EIF4G1: variants seen among roughly 807,000 people sequenced by gnomAD.
The protein encoded by EIF4G1 is eukaryotic translation initiation factor 4 gamma 1, also known as EIF4-gamma.
Under a neutral mutation model 187.8 loss-of-function variants are expected in EIF4G1, and 4 were observed. That is an observed-to-expected ratio of 0.02 (90% CI 0.01 to 0.05). The LOEUF (loss-of-function observed/expected upper bound fraction) is 0.05. Ranked by LOEUF, EIF4G1 falls within the 10% of genes least tolerant of loss-of-function variation. The pLI, the probability that EIF4G1 is intolerant of heterozygous loss-of-function variation, is 1.00. For missense variants in EIF4G1, 1,647 were observed against 2,081.1 expected, an observed-to-expected ratio of 0.79 and a Z score of 4.06; for synonymous variants, 844 against 781.4, an observed-to-expected ratio of 1.08 and a Z score of -1.34.
At position 184,317,332 on chromosome 3, in the gene EIF4G1, T is replaced by C. The variant is rs771352706; in HGVS notation, c.159T>C (p.Pro53=). ...CTCCCTCCTGACAGCACTTCTACCC[T>C]AGCCGGGCCCAGCCCCCGAGCAGTG... ...TPSQPRQHFY[P]SRAQPPSSAA... The change falls in exon 5 of 33, where the codon CCT becomes CCC. Residue 53 remains proline, a synonymous_variant. Transcript: ENST00000346169. The C allele has an allele frequency of 1.2e-6, 2 of 1,614,054 alleles. No individual in the cohort carries two copies. The highest frequency in any genetic ancestry group is 2.2e-5 in the South Asian group (2 of 91,084).
chr3:184,321,885 C>T lies in EIF4G1; in HGVS notation c.1301C>T (p.Pro434Leu), dbSNP rs1267395314. The change falls in exon 10 of 33, where the codon CCC becomes CTC. Residue 434 changes from proline to leucine, a missense_variant. By Grantham distance (98) the Pro-to-Leu change is moderately conservative (BLOSUM62 -3). Transcript: ENST00000346169. ...AAGGAGGTGACAGCATCAATGGCGC[C>T]CCCCACCATCCCCTCTGCTACTCCA... is the stretch of plus-strand genomic sequence containing the variant. The part of the protein sequence containing the change: ...QAKEVTASMA[P>L]PTIPSATPAT... 4.3e-6 allele frequency: 7 copies of T among 1,613,994 alleles called. No homozygotes were observed. The highest frequency in any genetic ancestry group is 5.9e-6 in the Non-Finnish European group (7 of 1,180,008).
In EIF4G1 at chr3:184,317,779, C is replaced by T. The variant is rs1392756622; in HGVS notation, c.387C>T (p.Phe129=). 1.9e-6 allele frequency: 3 copies of T among 1,614,182 alleles called. No homozygotes were observed. Among genetic ancestry groups the T allele is most frequent in the South Asian group, 2.2e-5 (2 of 91,090 alleles). The change falls in exon 6 of 33, where the codon TTC becomes TTT. Residue 129 remains phenylalanine (F), a synonymous_variant. Coordinates refer to ENST00000346169, the MANE Select transcript of EIF4G1 (RefSeq NM_198241.3). ...QYPVQPGAPG[F]YPGASPTEFG... ...CTGTGCAGCCAGGAGCCCCAGGCTT[C>T]TATCCAGGTGCAAGCCCTACAGAAT...
At chr3:184,321,210 T>C in intron 9 of EIF4G1, 72 bp from the exon 10 acceptor site, 2 of 1,596,488 alleles carry the variant, frequency 1.3e-6, no homozygotes, top group Non-Finnish European at 1.7e-6. Flanking sequence ...ATGCCTGGGC[T>C]GGAGGATGGG....
chr3:184,323,538 G>A lies in EIF4G1; in HGVS notation c.2219G>A (p.Arg740Gln), dbSNP rs1032284086. 6.8e-6 allele frequency: 11 copies of A among 1,614,028 alleles called. No homozygotes were observed. Among genetic ancestry groups the A allele is most frequent in the Non-Finnish European group, 8.5e-6 (10 of 1,180,056 alleles). The part of the protein sequence containing the change: ...AEKAWKPSSK[R>Q]TAADKDRGEE... Reference sequence around the variant, plus strand: ...AAAGCCTGGAAACCCAGCAGCAAGCGGACGGCGGCTGATAAGGATCGAGGG... The same window carrying A: ...AAAGCCTGGAAACCCAGCAGCAAGCAGACGGCGGCTGATAAGGATCGAGGG... Residue 740 changes from arginine to glutamine, a missense_variant, in exon 15 of 33, where the codon CGG (arginine) becomes CAG (glutamine). Physicochemically the swap from Arg to Gln is conservative, Grantham distance 43. Transcript: ENST00000346169. The surrounding 1 kb of genome is among the most constrained non-coding windows in gnomAD (Gnocchi z 6.9).
intron 21 of EIF4G1, 114 bp downstream of exon 21, chr3:184,326,065 G>A: frequency 8.7e-7 from 1 of 1,155,552 alleles, no homozygotes; most frequent in Admixed American, 1.9e-5. Context: ...TAACTGGTTG[G>A]ATTGCTGGAG....
intron 22 of EIF4G1, 60 bp downstream of exon 22, chr3:184,326,689 C>T (rs1465239673): frequency 3.8e-6 from 6 of 1,585,286 alleles, no homozygotes; most frequent in Non-Finnish European, 5.2e-6. Context: ...GAGGACAGAG[C>T]CTTTTCTGTT....
chr3:184,317,215 G>T, intron 4 of EIF4G1, 106 bp from the exon 5 acceptor site: 1 of 1,345,532 alleles, frequency 7.4e-7, no homozygotes. Context: ...GCCATGTTCT[G>T]AAGCCCACAG....
At chr3:184,320,844 C>T (rs1181056186) in intron 8 of EIF4G1, 83 bp from the exon 9 acceptor site, 7 of 1,605,762 alleles carry the variant, frequency 4.4e-6, no homozygotes, top group Non-Finnish European at 6.0e-6. Context: ...GATTTCTAGG[C>T]AGAGCTAAAG....
At chr3:184,318,465 A>AG (rs569975060) in intron 6 of EIF4G1, among the ~76,000 whole-genome samples, 302 of 152,054 alleles carry the variant, frequency 2.0e-3, no homozygotes, top group Non-Finnish European at 3.0e-3. Flanking sequence ...TTAAAATTTG[A>AG]GGGGGGCTGA....
chr3:184,321,973 G>GGAAGAAGGA lies in EIF4G1; in HGVS notation c.1394_1402dup (p.Glu465_Glu467dup). 6.2e-7 allele frequency: 1 copy of GGAAGAAGGA among 1,613,782 alleles called. No individual in the cohort carries two copies. Among genetic ancestry groups the GGAAGAAGGA allele is most frequent in the Non-Finnish European group, 8.5e-7 (1 of 1,179,812 alleles). On this transcript the variant is annotated inframe_insertion, in exon 10 of 33. Transcript: ENST00000346169. Reference sequence around the variant, plus strand: ...AGGAAATGGAAGAAGAAGAAGAAGAGGAAGAAGGAGAAGCAGGAGAAGCAG... The same window carrying GGAAGAAGGA: ...AGGAAATGGAAGAAGAAGAAGAAGAGGAAGAAGGAGAAGAAGGAGAAGCAGGAGAAGCAG...
Position 184,322,014 on chromosome 3 carries a change from A to G in EIF4G1, c.1430A>G (p.Glu477Gly). ...GGAGAAGCAGGAGAAGCTGAGAGTG[A>G]GAAAGGAGGAGAGGAACTGCTCCCC... The part of the protein sequence containing the change: ...EAGEAGEAES[E>G]KGGEELLPPE... Residue 477 changes from glutamate (E) to glycine (G), a missense_variant, in exon 10 of 33, where the codon GAG (glutamate) becomes GGG (glycine). By Grantham distance (98) the Glu-to-Gly change is moderately conservative. This residue lies in a region of EIF4G1 where 522 missense variants were observed against 485.2 expected (regional missense o/e 1.08). Coordinates refer to ENST00000346169, the MANE Select transcript of EIF4G1 (RefSeq NM_198241.3). 6.2e-7 allele frequency: 1 copy of G among 1,614,096 alleles called. No individual in the cohort carries two copies. The highest frequency in any genetic ancestry group is 8.5e-7 in the Non-Finnish European group (1 of 1,180,030).
rs530888556 is a variant in EIF4G1 at position 184,325,724 on chromosome 3, C to T, written c.3121+85C>T. 104 of 1,611,108 alleles carry T rather than the reference C, an allele frequency of 6.5e-5. No homozygotes were observed. Among genetic ancestry groups the T allele is most frequent in the South Asian group, 1.4e-4 (13 of 90,940 alleles). On this transcript the variant is annotated intron_variant, in intron 20 of 32. Transcript: ENST00000346169. The surrounding 1 kb of genome is among the most constrained non-coding windows in gnomAD (Gnocchi z 5.2). Reference sequence around the variant, plus strand: ...CTCTGATGACTTCCTGTTAGTGCCACGTGTCTGGGCCACTGAGACACCATG... The same window carrying T: ...CTCTGATGACTTCCTGTTAGTGCCATGTGTCTGGGCCACTGAGACACCATG...
In EIF4G1 at chr3:184,322,468, G is replaced by T; in HGVS notation, c.1608+18G>T. ...TCAAGGAGGTAAGGGAGCAGAAAATGGGAGGGGAGAGGGCCAAGTTGAGGT... is the reference window on the plus strand; with the variant it reads ...TCAAGGAGGTAAGGGAGCAGAAAATTGGAGGGGAGAGGGCCAAGTTGAGGT... On this transcript the variant is annotated intron_variant, in intron 11 of 32. Coordinates refer to ENST00000346169, the MANE Select transcript of EIF4G1 (RefSeq NM_198241.3). 6.2e-7 allele frequency: 1 copy of T among 1,614,044 alleles called. No individual in the cohort carries two copies. Among genetic ancestry groups the T allele is most frequent in the East Asian group, 2.2e-5 (1 of 44,884 alleles).
rs1725380174 is a variant in EIF4G1, at chr3:184,328,410, G to T, written c.3954-221G>T. 5.8e-6 allele frequency: 4 copies of T among 690,132 alleles called. No homozygotes were observed. The South Asian group carries it at 6.9e-5, about 12-fold the overall frequency. The allele number at this position is 690,132 out of a possible 1,614,324, so 42.8% of individuals were successfully genotyped here. A position where few individuals can be genotyped will look rare whatever the true frequency, so the allele number is the denominator to read the frequency against. On this transcript the variant is annotated intron_variant, in intron 26 of 32. Transcript: ENST00000346169. ...GTCTCAAAAAAAAAACCAAAAAACA[G>T]TATGGGTTCCTTGACCATCCTGGTC...
Position 184,335,057 on chromosome 3 carries a change from G to T in EIF4G1, c.*149G>T. 1.7e-6 allele frequency: 2 copies of T among 1,149,276 alleles called. No individual in the cohort carries two copies. The highest frequency in any genetic ancestry group is 1.4e-5 in the South Asian group (1 of 71,076). The allele number at this position is 1,149,276 out of a possible 1,614,324, so 71.2% of individuals were successfully genotyped here. ...ACTAATAAAGTGGCTGAAGAGGCAG[G>T]ATGGCTTGGGGCTGCCTGGGCCCCC... is the stretch of plus-strand genomic sequence containing the variant. On this transcript the variant is annotated 3_prime_UTR_variant, in exon 33 of 33. Transcript: ENST00000346169.
intron 25 of EIF4G1, 31 bp from the exon 26 acceptor site, chr3:184,327,799 G>T: frequency 6.2e-7 from 1 of 1,614,080 alleles, no homozygotes; most frequent in Non-Finnish European, 8.5e-7. Context: ...ACAGTGACTG[G>T]TCTCTTCCTG....
rs1722760455 is a variant in EIF4G1, at chr3:184,316,283, T to G, written c.147+65T>G. 4 of 1,591,938 alleles carry G rather than the reference T, an allele frequency of 2.5e-6. No individual in the cohort carries two copies. In the South Asian group the frequency reaches 4.5e-5, roughly 18 times the overall value. ...GAGCAGTGGAAAGCTTTGGCCAGTT[T>G]AGGTCTAGGATGGAAACTGGAGGCC... On this transcript the variant is annotated intron_variant, in intron 4 of 32. Coordinates refer to ENST00000346169, the MANE Select transcript of EIF4G1 (RefSeq NM_198241.3).
chr3:184,324,008 G>A (rs1262543301), intron 16 of EIF4G1, 31 bp downstream of exon 16: 1 of 1,612,948 alleles, frequency 6.2e-7, no homozygotes, highest in South Asian at 1.1e-5. Flanking sequence ...AAATCTAATG[G>A]TCTGGTTGCC....
rs1200142271 is a variant in EIF4G1 at position 184,334,120 on chromosome 3, T to G, written c.4619-607T>G. On this transcript the variant is annotated intron_variant, in intron 32 of 32. Coordinates refer to ENST00000346169, the MANE Select transcript of EIF4G1 (RefSeq NM_198241.3). The surrounding 1 kb of genome is among the most constrained non-coding windows in gnomAD (Gnocchi z 5.8). ...TTTCAGGGGTTATAGGACACGTTGC[T>G]TGGGAAGGCTACCCAGCAGCTAGGG... 6.6e-6 allele frequency among the ~76,000 whole-genome samples: 1 copy of G among 152,152 alleles called. No individual in the cohort carries two copies. The highest frequency in any genetic ancestry group is 1.5e-5 in the Non-Finnish European group (1 of 68,032).
Sources: gnomAD v4.1 joint callset for allele counts (sites outside exome capture counted in the v4.1 genomes callset) on GRCh38, gnomAD v4.1.1 for gene constraint, gnomAD v4.1.1 regional missense constraint, Gnocchi (gnomAD v3.1) non-coding constraint, MANE v1.5 for transcripts, NCBI Gene and HGNC (gene_info 2026-07-23, HGNC 2026-07-21) for gene names.